Variants in GPHN observed in about 807,000 individuals in gnomAD.
GPHN encodes the protein gephyrin.
In GPHN, 17 loss-of-function variants were observed where a neutral mutation model predicts 95.5. The ratio of observed to expected loss-of-function variants is 0.18; its 90% confidence interval spans 0.12 to 0.27. The LOEUF (loss-of-function observed/expected upper bound fraction) is 0.27. Ranked by LOEUF, GPHN falls within the 10% of genes least tolerant of loss-of-function variation. The pLI is 1.00. For synonymous variants in GPHN, 320 were observed against 322.5 expected (o/e 0.99, Z 0.08); for missense variants, 660 against 978.1 (o/e 0.67, Z 4.34).
At chr14:67,384,669 G>A in the GPHN span, 3 of 152,218 alleles carry the variant, frequency 2.0e-5, no homozygotes, top group East Asian at 5.8e-4. Context: ...AAATAGAAGA[G>A]TGTGTTGGGC....
chr14:66,636,359 C>A (rs1401374986), intron 1 of GPHN, among the ~76,000 whole-genome samples: 2 of 151,876 alleles, frequency 1.3e-5, no homozygotes, highest in African/African-American at 2.4e-5. Context: ...ACAATATAGA[C>A]CAGTTTGAAT....
At chr14:67,446,669 G>T in the GPHN span, among the ~76,000 whole-genome samples, 1 of 152,184 alleles carries the variant, frequency 6.6e-6, no homozygotes, top group Non-Finnish European at 1.5e-5. Flanking sequence ...GTGACATGGC[G>T]CAGAGCAGGG....
chr14:66,632,423 T>C (rs141815587), intron 1 of GPHN, among the ~76,000 whole-genome samples: 2,019 of 152,206 alleles, frequency 0.013, 23 homozygotes, highest in Middle Eastern at 0.02. Context: ...AGATTTGCTG[T>C]ACATTAATGT....
the GPHN span, among the ~76,000 whole-genome samples, chr14:67,548,391 G>A: frequency 6.6e-6 from 1 of 152,118 alleles, no homozygotes. Flanking sequence ...AAAGGGCTTT[G>A]AGGGTATTAA....
At chr14:67,411,896 A>G in the GPHN span, 1 of 901,528 alleles carries the variant, frequency 1.1e-6, no homozygotes, top group Non-Finnish European at 1.6e-6. Flanking sequence ...CGGTCCCACC[A>G]TGGGGGTTGG....
At chr14:67,079,653 T>C (rs964862570) in intron 11 of GPHN, among the ~76,000 whole-genome samples, 3 of 152,080 alleles carry the variant, frequency 2.0e-5, no homozygotes, top group Non-Finnish European at 4.4e-5. Flanking sequence ...ATCTTAACCA[T>C]TTTTAAGTTC....
chr14:66,761,256 T>C (rs1356850917), intron 2 of GPHN, among the ~76,000 whole-genome samples: 1 of 152,190 alleles, frequency 6.6e-6, no homozygotes, highest in East Asian at 1.9e-4. Flanking sequence ...CTTATAACTA[T>C]AGAAGTGAAT....
the GPHN span, chr14:67,578,288 T>C: frequency 1.2e-5 from 14 of 1,203,324 alleles, no homozygotes; most frequent in Admixed American, 8.9e-5. The surrounding 1 kb of genome is among the most constrained non-coding windows in gnomAD (Gnocchi z 5.0). Context: ...TGGGCAGGTA[T>C]ACGGTGAGCC....
the GPHN span, among the ~76,000 whole-genome samples, chr14:67,552,877 C>T: frequency 6.6e-6 from 1 of 152,184 alleles, no homozygotes; most frequent in Non-Finnish European, 1.5e-5. Flanking sequence ...CAGGGGAGAC[C>T]CCAGGCTCTG....
chr14:67,097,117 G>T (rs2077435815), intron 12 of GPHN, among the ~76,000 whole-genome samples: 1 of 152,118 alleles, frequency 6.6e-6, no homozygotes, highest in Non-Finnish European at 1.5e-5. Flanking sequence ...TACAGCAAGT[G>T]CCAGGGATTA....
At chr14:67,720,474 CT>C in the GPHN span, among the ~76,000 whole-genome samples, 8 of 152,324 alleles carry the variant, frequency 5.3e-5, no homozygotes, top group Admixed American at 4.6e-4. Flanking sequence ...GGTTTCATTT[CT>C]CATACTTACG....
Position 67,089,133 on chromosome 14 carries a change from CTTTTTTTTTTTTTTTTTT to C in GPHN, c.1237+66_1237+83del. On this transcript the variant is annotated intron_variant, in intron 12 of 22. Coordinates refer to ENST00000478722, the MANE Select transcript of GPHN (RefSeq NM_020806.5). Reference sequence around the variant, plus strand: ...GCACTGTATTTTTTTTTCTTTTTTTCTTTTTTTTTTTTTTTTTTTTTTTTTCAAATTTTTGGCTTAGCC... The same window carrying C: ...GCACTGTATTTTTTTTTCTTTTTTTCTTTTTTTCAAATTTTTGGCTTAGCC... The C allele has an allele frequency of 1.0e-5, 2 of 198,576 alleles. 1 individual carries two copies. The highest frequency in any genetic ancestry group is 9.5e-5 in the South Asian group (2 of 20,984). 12.3% of individuals were successfully genotyped at this position (198,576 alleles called of 1,614,324 possible).
chr14:66,912,301 A>C (rs1328648517), intron 5 of GPHN, among the ~76,000 whole-genome samples: 1 of 151,980 alleles, frequency 6.6e-6, no homozygotes, highest in African/African-American at 2.4e-5. Flanking sequence ...TGTAACAACT[A>C]CCAGTTCTTC....
the GPHN span, chr14:67,473,283 G>T: frequency 8.0e-7 from 1 of 1,245,664 alleles, no homozygotes; most frequent in Non-Finnish European, 1.1e-6. This position sits in a 1 kb window ranked among gnomAD's most constrained non-coding sequence, Gnocchi z 6.5. Context: ...CGGACGTTAG[G>T]GGGCTCTGTG....
chr14:67,486,926 G>A, the GPHN span: 2 of 152,256 alleles, frequency 1.3e-5, no homozygotes, highest in East Asian at 3.9e-4. Flanking sequence ...CCAGACTCGT[G>A]CCCATGCTGA....
chr14:67,374,741 A>G, the GPHN span: 5 of 405,570 alleles, frequency 1.2e-5, no homozygotes, highest in African/African-American at 1.0e-4. Flanking sequence ...ACTTGTTTAC[A>G]GTTGGAATGC....
the GPHN span, among the ~76,000 whole-genome samples, chr14:67,277,402 A>G: frequency 6.6e-6 from 1 of 152,300 alleles, no homozygotes; most frequent in Non-Finnish European, 1.5e-5. Flanking sequence ...TTGGGTTTGT[A>G]TTAAGCATTT....
chr14:66,769,351 G>T (rs866483190), intron 2 of GPHN, among the ~76,000 whole-genome samples: 1 of 151,980 alleles, frequency 6.6e-6, no homozygotes, highest in Non-Finnish European at 1.5e-5. Flanking sequence ...ATGTTCAAGG[G>T]TACATGTTCA....
intron 4 of GPHN, among the ~76,000 whole-genome samples, chr14:66,842,002 G>C (rs994572861): frequency 1.3e-5 from 2 of 152,044 alleles, no homozygotes; most frequent in Non-Finnish European, 2.9e-5. Context: ...GCAGTGAGCT[G>C]AGATTGCACC....
Sources: allele counts gnomAD v4.1 joint callset (sites outside exome capture counted in the v4.1 genomes callset), GRCh38; gene constraint gnomAD v4.1.1; non-coding constraint Gnocchi (gnomAD v3.1); transcripts MANE v1.5; gene names NCBI Gene and HGNC (gene_info 2026-07-23, HGNC 2026-07-21).